SLC38A9: variants seen among roughly 807,000 people sequenced by gnomAD.
SLC38A9 encodes the protein neutral amino acid transporter 9.
Under a neutral mutation model 62.3 loss-of-function variants are expected in SLC38A9, and 48 were observed. The ratio of observed to expected loss-of-function variants is 0.77; its 90% CI spans 0.61 to 0.98. The LOEUF is 0.98. Among genes scored for constraint, SLC38A9 ranks in the 50% least tolerant of loss-of-function variants. SLC38A9 has a pLI of 0.00. For synonymous variants in SLC38A9, 204 were observed against 227.7 expected (o/e 0.90, Z 0.94); for missense variants, 541 against 679.8 (o/e 0.80, Z 2.27).
intron 8 of SLC38A9, among the ~76,000 whole-genome samples, chr5:55,659,195 T>C (rs1749006393): frequency 2.0e-5 from 3 of 151,686 alleles, no homozygotes; most frequent in South Asian, 2.1e-4. Flanking sequence ...GATTTCCTTA[T>C]GAACAATATA....
intron 9 of SLC38A9, 144 bp downstream of exon 9, chr5:55,656,571 A>T (rs767005142): frequency 4.7e-5 from 29 of 622,884 alleles, no homozygotes; most frequent in Non-Finnish European, 7.6e-5. Flanking sequence ...TTTTAAACAC[A>T]CTACCAACAA....
At chr5:55,639,324 T>C (rs915696106) in intron 12 of SLC38A9, among the ~76,000 whole-genome samples, 1 of 138,764 alleles carries the variant, frequency 7.2e-6, no homozygotes, top group Non-Finnish European at 1.6e-5. Flanking sequence ...TTTACACATA[T>C]AACAAACTGC....
In SLC38A9 at chr5:55,626,353, GC is replaced by G; in HGVS notation, c.*140del. ...CCAATAAAAAAATACTCATTAAGGG[GC>G]CACTATTTCCCTTGCTTTCAAATTA... On this transcript the variant is annotated 3_prime_UTR_variant, in exon 16 of 16. Transcript: ENST00000396865. The G allele has an allele frequency of 1.4e-6, 1 of 718,328 alleles. No homozygotes were observed. The highest frequency in any genetic ancestry group is 2.2e-6 in the Non-Finnish European group (1 of 450,048). 44.5% of individuals were successfully genotyped at this position (718,328 alleles called of 1,614,324 possible).
At chr5:55,647,424 A>G (rs928878891) in intron 11 of SLC38A9, among the ~76,000 whole-genome samples, 1 of 152,238 alleles carries the variant, frequency 6.6e-6, no homozygotes, top group Non-Finnish European at 1.5e-5. Flanking sequence ...TAGTGTAAAA[A>G]GTAGAAACGT....
intron 8 of SLC38A9, among the ~76,000 whole-genome samples, chr5:55,662,672 A>G (rs1749785149): frequency 1.5e-5 from 1 of 66,078 alleles, no homozygotes; most frequent in African/African-American, 4.5e-5. Context: ...CCGTCTCAAA[A>G]AAACAAAAAA....
At chr5:55,644,268 A>T (rs1285225263) in intron 12 of SLC38A9, among the ~76,000 whole-genome samples, 3 of 151,894 alleles carry the variant, frequency 2.0e-5, no homozygotes, top group African/African-American at 7.3e-5. Flanking sequence ...GCCTCTTTTA[A>T]TCTTTTAACT....
chr5:55,666,137 AT>A (rs1417709308), intron 7 of SLC38A9, among the ~76,000 whole-genome samples: 2 of 152,192 alleles, frequency 1.3e-5, no homozygotes, highest in Non-Finnish European at 2.9e-5. Context: ...GTACTAAAAA[AT>A]AGGTGATAAA....
intron 12 of SLC38A9, among the ~76,000 whole-genome samples, chr5:55,643,209 A>G (rs1745720932): frequency 6.6e-6 from 1 of 152,226 alleles, no homozygotes; most frequent in African/African-American, 2.4e-5. Context: ...GTAGGTGTTT[A>G]CAGCTATACA....
chr5:55,642,347 A>G (rs1352276955), intron 12 of SLC38A9, among the ~76,000 whole-genome samples: 3 of 152,210 alleles, frequency 2.0e-5, no homozygotes, highest in African/African-American at 7.2e-5. Flanking sequence ...GCCCAGCCTG[A>G]GACTGTTTTC....
At chr5:55,674,422 C>T (rs1196944422) in intron 3 of SLC38A9, among the ~76,000 whole-genome samples, 2 of 152,210 alleles carry the variant, frequency 1.3e-5, no homozygotes, top group Admixed American at 6.5e-5. Flanking sequence ...AGTTCACAAA[C>T]AGATTAATGA....
rs1744253950 is a variant in SLC38A9, at chr5:55,635,613, A to T, written c.1212T>A (p.Tyr404Ter). Residue 404 changes from tyrosine to a stop codon, truncating the protein, a stop_gained, in exon 13 of 16, where the codon TAT (tyrosine) becomes TAA (stop). Coordinates refer to ENST00000396865, the MANE Select transcript of SLC38A9 (RefSeq NM_173514.4). LOFTEE classifies it high-confidence loss of function. ...CAAAAACCAGGACTCCAATATAGAG[A>T]TAAGTTAATGTCACCAGCATATAAG... Reference protein sequence around the residue: ...CIAYMLVTLTYLYIGVLVFAS... With the variant: ...CIAYMLVTLT 1 of 1,613,838 alleles carries T rather than the reference A, an allele frequency of 6.2e-7. No homozygotes were observed. The highest frequency in any genetic ancestry group is 1.3e-5 in the African/African-American group (1 of 74,920).
chr5:55,649,005 T>G (rs1007750091), intron 11 of SLC38A9, among the ~76,000 whole-genome samples: 1 of 152,142 alleles, frequency 6.6e-6, no homozygotes, highest in African/African-American at 2.4e-5. Flanking sequence ...GAATTTCAAC[T>G]AACAAGTAGA....
At chr5:55,627,514 C>T (rs193021861) in intron 15 of SLC38A9, among the ~76,000 whole-genome samples, 57 of 152,142 alleles carry the variant, frequency 3.7e-4, no homozygotes, top group African/African-American at 1.3e-3. Flanking sequence ...GATTAAGGAA[C>T]TTAGAATGGA....
chr5:55,645,538 C>T (rs999577394), intron 12 of SLC38A9, among the ~76,000 whole-genome samples: 1 of 152,198 alleles, frequency 6.6e-6, no homozygotes, highest in Non-Finnish European at 1.5e-5. Flanking sequence ...TTATCTATGG[C>T]TGCTTTCATA....
At chr5:55,671,189 TTA>T (rs10599693) in intron 4 of SLC38A9, among the ~76,000 whole-genome samples, 90,797 of 151,766 alleles carry the variant, frequency 0.6, 27,759 homozygotes, top group South Asian at 0.7. Flanking sequence ...ACCAAATTAC[TTA>T]TATATATTTT....
chr5:55,638,753 C>T lies in SLC38A9; in HGVS notation c.1168-3096G>A, dbSNP rs575712935. Among the ~76,000 whole-genome samples the T allele has an allele frequency of 3.3e-5, 5 of 152,244 alleles. No homozygotes were observed. The East Asian group carries it at 5.8e-4, about 18-fold the overall frequency. On this transcript the variant is annotated intron_variant, in intron 12 of 15. Transcript: ENST00000396865. ...TATATAGCCAAGTAAACCACAGATT[C>T]ATATGAAGAAGGAAAAAGTAAATAA...
chr5:55,662,885 G>C (rs967132390), intron 8 of SLC38A9, among the ~76,000 whole-genome samples: 1 of 139,124 alleles, frequency 7.2e-6, no homozygotes, highest in African/African-American at 2.6e-5. Flanking sequence ...ATAGTGGCTT[G>C]TGTCTATAAT....
At chr5:55,677,571 G>T (rs1004933892) in intron 3 of SLC38A9, among the ~76,000 whole-genome samples, 2 of 152,134 alleles carry the variant, frequency 1.3e-5, no homozygotes, top group Admixed American at 1.3e-4. Flanking sequence ...GGGTTCCATT[G>T]TGTCGCCCAG....
chr5:55,648,172 G>A (rs1013310146), intron 11 of SLC38A9, among the ~76,000 whole-genome samples: 4 of 152,196 alleles, frequency 2.6e-5, no homozygotes, highest in Non-Finnish European at 4.4e-5. Context: ...CTGGGAGGGG[G>A]AAGGTGCAGT....
Sources: gnomAD v4.1 joint callset for allele counts (sites outside exome capture counted in the v4.1 genomes callset) on GRCh38, gnomAD v4.1.1 for gene constraint, MANE v1.5 for transcripts, NCBI Gene and HGNC (gene_info 2026-07-23, HGNC 2026-07-21) for gene names.